Variants in PTGER3 observed in about 807,000 individuals in gnomAD.
PTGER3 encodes the protein prostaglandin E2 receptor EP3 subtype.
Under a neutral mutation model 34.7 loss-of-function variants are expected in PTGER3, and 22 were observed. The ratio of observed to expected loss-of-function variants is 0.63; its 90% CI spans 0.45 to 0.91. PTGER3 has a LOEUF of 0.91. Among genes scored for constraint, PTGER3 ranks in the 40% least tolerant of loss-of-function variants. PTGER3 has a pLI of 0.00. For synonymous variants in PTGER3, 241 were observed against 230.1 expected (o/e 1.05, Z -0.43); for missense variants, 468 against 519.4 (o/e 0.90, Z 0.96).
chr1:70,862,189 T>C (rs1457244446), intron 4 of PTGER3: 8 of 502,836 alleles, frequency 1.6e-5, no homozygotes, highest in Non-Finnish European at 2.3e-5. Flanking sequence ...ACCTCTTTTT[T>C]TCACCCACTC....
At chr1:71,022,375 A>G (rs1379169408) in intron 1 of PTGER3, among the ~76,000 whole-genome samples, 4 of 151,942 alleles carry the variant, frequency 2.6e-5, no homozygotes, top group African/African-American at 9.7e-5. Context: ...TACTAAATTT[A>G]GTGATAAATT....
At chr1:70,964,062 C>G (rs1652251175) in intron 2 of PTGER3, among the ~76,000 whole-genome samples, 1 of 152,176 alleles carries the variant, frequency 6.6e-6, no homozygotes, top group African/African-American at 2.4e-5. Context: ...CAGTTCCCAA[C>G]AAGTTCCTTA....
In PTGER3 at chr1:71,026,910, T is replaced by C. The variant is rs148838645; in HGVS notation, c.898-14426A>G. 8.2e-3 allele frequency among the ~76,000 whole-genome samples: 1,246 copies of C among 152,198 alleles called. 22 individuals are homozygous for C. The highest frequency in any genetic ancestry group is 0.028 in the African/African-American group (1,171 of 41,502). On this transcript the variant is annotated intron_variant, in intron 1 of 3. Transcript: ENST00000306666. The stretch of plus-strand genomic sequence containing the variant: ...AGGAAGCAAACATGAGGAAGAAACC[T>C]GTTCCTACCATGACTCAAATGCCTA...
At chr1:71,037,173 A>G (rs12739685) in intron 1 of PTGER3, among the ~76,000 whole-genome samples, 55,360 of 152,072 alleles carry the variant, frequency 0.36, 11,179 homozygotes, top group South Asian at 0.46. Flanking sequence ...CTCATGTGTG[A>G]TAGTAAGGGC....
At chr1:71,035,128 G>C (rs1346475294) in intron 1 of PTGER3, among the ~76,000 whole-genome samples, 2 of 152,168 alleles carry the variant, frequency 1.3e-5, no homozygotes, top group Non-Finnish European at 2.9e-5. Flanking sequence ...ATTCTAGAAA[G>C]ATATCAAATA....
At chr1:70,888,167 G>A (rs1646538332) in intron 4 of PTGER3, among the ~76,000 whole-genome samples, 1 of 152,154 alleles carries the variant, frequency 6.6e-6, no homozygotes, top group Non-Finnish European at 1.5e-5. Flanking sequence ...AGCAGACGTA[G>A]CAGTCATGGT....
At chr1:71,008,801 A>G (rs1657192514) in intron 2 of PTGER3, 2 of 951,906 alleles carry the variant, frequency 2.1e-6, no homozygotes, top group Non-Finnish European at 1.3e-6. Context: ...GATGGTTTGT[A>G]CTTGTTATAC....
rs921092948 is a variant in PTGER3, at chr1:70,892,179, C to A, written c.*24-39320G>T. 3.3e-5 allele frequency among the ~76,000 whole-genome samples: 5 copies of A among 152,142 alleles called. No homozygotes were observed. In the South Asian group the frequency reaches 6.2e-4, roughly 19 times the overall value. On this transcript the variant is annotated intron_variant, in intron 4 of 4. Coordinates refer to the PTGER3 transcript ENST00000370931. ...AAGAAAGCTTTGGAGGAAGACAGAC[C>A]TGCATTTCAAACCCAATTCTATCAC...
intron 2 of PTGER3, chr1:70,997,061 TGGGAG>T (rs1191975734): frequency 1.3e-5 from 2 of 152,152 alleles, no homozygotes; most frequent in Non-Finnish European, 2.9e-5. Context: ...CAATTGAGGT[TGGGAG>T]TTCGAGTCCA....
chr1:70,984,584 T>G (rs1045041405), intron 2 of PTGER3, among the ~76,000 whole-genome samples: 12 of 152,056 alleles, frequency 7.9e-5, no homozygotes, highest in Non-Finnish European at 1.6e-4. Context: ...TCAGGTGTGC[T>G]GGTGTGAGCC....
At chr1:70,886,687 T>C (rs1256567980) in intron 4 of PTGER3, among the ~76,000 whole-genome samples, 1 of 152,248 alleles carries the variant, frequency 6.6e-6, no homozygotes, top group Non-Finnish European at 1.5e-5. Flanking sequence ...ATTAGACATT[T>C]TCTGTCTCCC....
chr1:70,863,410 G>A (rs964522256), intron 4 of PTGER3, among the ~76,000 whole-genome samples: 2 of 152,150 alleles, frequency 1.3e-5, no homozygotes, highest in African/African-American at 4.8e-5. Flanking sequence ...CCTGTCTTCA[G>A]AGAATACAGA....
intron 4 of PTGER3, among the ~76,000 whole-genome samples, chr1:70,858,355 G>A (rs571439405): frequency 1.2e-4 from 18 of 151,934 alleles, no homozygotes; most frequent in African/African-American, 3.9e-4. Flanking sequence ...TTATAATTGA[G>A]GTATGAACTG....
intron 4 of PTGER3, among the ~76,000 whole-genome samples, chr1:70,882,353 A>G (rs1358209341): frequency 6.6e-6 from 1 of 152,164 alleles, no homozygotes; most frequent in Non-Finnish European, 1.5e-5. Context: ...CCACCTGGTT[A>G]TCAGTGGTGG....
intron 4 of PTGER3, among the ~76,000 whole-genome samples, chr1:70,874,801 G>A (rs1057417817): frequency 1.3e-5 from 2 of 151,824 alleles, no homozygotes; most frequent in African/African-American, 4.8e-5. Context: ...TTGTATAAGT[G>A]TTCAGAATAA....
At chr1:71,009,043 G>C (rs1456794620) in intron 2 of PTGER3, 2 of 984,848 alleles carry the variant, frequency 2.0e-6, no homozygotes, top group Non-Finnish European at 2.4e-6. Flanking sequence ...AGAACTATTA[G>C]TGATTGCTGA....
intron 4 of PTGER3, among the ~76,000 whole-genome samples, chr1:70,910,625 CA>C (rs1647039826): frequency 6.6e-6 from 1 of 152,190 alleles, no homozygotes; most frequent in Non-Finnish European, 1.5e-5. Context: ...TAGGGAAACA[CA>C]ATGATCTAAA....
intron 2 of PTGER3, among the ~76,000 whole-genome samples, chr1:71,003,021 TAA>T (rs890760431): frequency 2.0e-5 from 3 of 152,238 alleles, no homozygotes; most frequent in African/African-American, 7.2e-5. Context: ...TTCAATGCTC[TAA>T]GATTCCATTT....
At chr1:70,982,451 C>A (rs1011729017) in intron 2 of PTGER3, among the ~76,000 whole-genome samples, 11 of 152,136 alleles carry the variant, frequency 7.2e-5, no homozygotes, top group Non-Finnish European at 1.6e-4. Context: ...GCTCATCCAG[C>A]ATCTAGTGTA....
Sources: gnomAD v4.1 joint callset for allele counts (sites outside exome capture counted in the v4.1 genomes callset) on GRCh38, gnomAD v4.1.1 for gene constraint, MANE v1.5 for transcripts, NCBI Gene and HGNC (gene_info 2026-07-23, HGNC 2026-07-21) for gene names.